KIAA0825: variants seen among roughly 807,000 people sequenced by gnomAD.
KIAA0825 encodes the protein uncharacterized protein KIAA0825.
Under a neutral mutation model 147.6 loss-of-function variants are expected in KIAA0825, and 119 were observed. The ratio of observed to expected loss-of-function variants is 0.81; its 90% CI spans 0.69 to 0.94. The LOEUF is 0.94. Among genes scored for constraint, KIAA0825 ranks in the 40% least tolerant of loss-of-function variants. The probability of loss-of-function intolerance (pLI) is 0.00; values close to 1 mark genes in which losing one functional copy is unlikely to be tolerated. For missense variants in KIAA0825, 1,381 were observed against 1,472.7 expected, an observed-to-expected ratio of 0.94 and a Z score of 1.02; for synonymous variants, 470 against 518.1, an observed-to-expected ratio of 0.91 and a Z score of 1.26.
chr5:94,378,024 CTA>C (rs1747833583), intron 20 of KIAA0825, among the ~76,000 whole-genome samples: 2 of 152,118 alleles, frequency 1.3e-5, no homozygotes, highest in Non-Finnish European at 2.9e-5. Flanking sequence ...GATCAATTAA[CTA>C]AAAATAAAGA....
intron 12 of KIAA0825, among the ~76,000 whole-genome samples, chr5:94,454,920 T>G: frequency 6.6e-6 from 1 of 152,126 alleles, no homozygotes; most frequent in East Asian, 1.9e-4. Flanking sequence ...CATCTCCTAA[T>G]GACATGGAGT....
intron 20 of KIAA0825, among the ~76,000 whole-genome samples, chr5:94,240,241 C>T (rs931591607): frequency 4.4e-4 from 67 of 152,310 alleles, no homozygotes; most frequent in African/African-American, 1.6e-3. Context: ...CTTGGAAAGC[C>T]AGCAAATAAT....
chr5:94,404,914 G>A (rs1751850286), intron 15 of KIAA0825, among the ~76,000 whole-genome samples: 10 of 152,066 alleles, frequency 6.6e-5, no homozygotes, highest in Admixed American at 6.6e-4. Context: ...GACAAGGGCT[G>A]GACAAGATGA....
intron 20 of KIAA0825, among the ~76,000 whole-genome samples, chr5:94,370,836 G>A (rs1177437020): frequency 6.6e-6 from 1 of 152,092 alleles, no homozygotes. Flanking sequence ...ATGAAACCGG[G>A]AGACAGAGCT....
At chr5:94,308,600 A>G (rs917203570) in intron 20 of KIAA0825, among the ~76,000 whole-genome samples, 2 of 151,854 alleles carry the variant, frequency 1.3e-5, no homozygotes, top group Admixed American at 6.6e-5. Flanking sequence ...TGCTGAATAC[A>G]AAGATTACTC....
At position 94,370,796 on chromosome 5, in the gene KIAA0825, C is replaced by T. The variant is rs532745815; in HGVS notation, c.3710+13572G>A. On this transcript the variant is annotated intron_variant, in intron 20 of 20. Coordinates refer to ENST00000682413, the MANE Select transcript of KIAA0825 (RefSeq NM_001145678.3). ...TGGTGGTGGGAGCCTGTAGTCCCAG[C>T]TACTCGGGAGCCTGAGGCAGGAGAA... is the stretch of plus-strand genomic sequence containing the variant. 3.3e-5 allele frequency among the ~76,000 whole-genome samples: 5 copies of T among 152,020 alleles called. No individual in the cohort carries two copies. The East Asian group carries it at 9.7e-4, about 29-fold the overall frequency.
At chr5:94,159,437 T>C (rs1767340467) in intron 20 of KIAA0825, among the ~76,000 whole-genome samples, 1 of 152,180 alleles carries the variant, frequency 6.6e-6, no homozygotes, top group South Asian at 2.1e-4. Flanking sequence ...TCTTATTTTG[T>C]AAGATTCTAC....
chr5:94,272,887 T>C (rs975924026), intron 20 of KIAA0825, among the ~76,000 whole-genome samples: 3 of 152,182 alleles, frequency 2.0e-5, no homozygotes, highest in African/African-American at 4.8e-5. Context: ...ACATAATTCA[T>C]AGGAAAAGGC....
intron 2 of KIAA0825, among the ~76,000 whole-genome samples, chr5:94,560,097 T>A (rs915410514): frequency 6.6e-6 from 1 of 152,192 alleles, no homozygotes; most frequent in Non-Finnish European, 1.5e-5. Context: ...AAGACCACCT[T>A]GGCTAGTCAA....
intron 20 of KIAA0825, among the ~76,000 whole-genome samples, chr5:94,293,936 C>T (rs1353182892): frequency 6.6e-6 from 1 of 151,748 alleles, no homozygotes; most frequent in African/African-American, 2.4e-5. Context: ...GATTGTAACC[C>T]CTGTTTTTTG....
At chr5:94,534,769 T>A (rs911424444) in intron 3 of KIAA0825, among the ~76,000 whole-genome samples, 2 of 152,132 alleles carry the variant, frequency 1.3e-5, no homozygotes, top group Non-Finnish European at 2.9e-5. Context: ...AACAAAAGCA[T>A]CAGAGTTCAG....
chr5:94,297,948 G>A (rs145542632), intron 20 of KIAA0825, among the ~76,000 whole-genome samples: 1 of 149,280 alleles, frequency 6.7e-6, no homozygotes. Context: ...TATTTTTGTT[G>A]TATAGAGTGG....
chr5:94,270,821 T>C (rs1339304577), intron 20 of KIAA0825, among the ~76,000 whole-genome samples: 1 of 151,916 alleles, frequency 6.6e-6, no homozygotes, highest in African/African-American at 2.4e-5. Flanking sequence ...AAGGGGAAAA[T>C]AGAGTTTTGG....
At chr5:94,585,523 C>T (rs1272190324) in intron 1 of KIAA0825, among the ~76,000 whole-genome samples, 1 of 152,160 alleles carries the variant, frequency 6.6e-6, no homozygotes, top group East Asian at 1.9e-4. Context: ...AATACAGGGG[C>T]ACCCAGATTC....
intron 14 of KIAA0825, among the ~76,000 whole-genome samples, chr5:94,432,510 C>A (rs183409504): frequency 2.0e-4 from 30 of 152,190 alleles, no homozygotes; most frequent in African/African-American, 6.7e-4. Flanking sequence ...TAAACTAGTT[C>A]ATCAGCATTC....
chr5:94,364,516 G>A (rs1430190376), intron 20 of KIAA0825, among the ~76,000 whole-genome samples: 1 of 151,892 alleles, frequency 6.6e-6, no homozygotes, highest in African/African-American at 2.4e-5. Flanking sequence ...CGAGTAGCTG[G>A]GACTACAGGC....
intron 2 of KIAA0825, among the ~76,000 whole-genome samples, chr5:94,543,927 A>C (rs1773837511): frequency 6.6e-6 from 1 of 152,080 alleles, no homozygotes; most frequent in Non-Finnish European, 1.5e-5. Flanking sequence ...TGAATAATCC[A>C]CCCCTTGTTT....
At chr5:94,231,948 G>A (rs1377020693) in intron 20 of KIAA0825, among the ~76,000 whole-genome samples, 2 of 152,074 alleles carry the variant, frequency 1.3e-5, no homozygotes, top group African/African-American at 2.4e-5. Context: ...GAAGCCTATC[G>A]TATCTGTACT....
At chr5:94,319,630 C>CA (rs1235047264) in intron 20 of KIAA0825, among the ~76,000 whole-genome samples, 2 of 151,916 alleles carry the variant, frequency 1.3e-5, no homozygotes, top group Admixed American at 1.3e-4. Flanking sequence ...ATCTCACAAT[C>CA]TATCAGCAAT....
Sources: gnomAD v4.1 joint callset for allele counts (sites outside exome capture counted in the v4.1 genomes callset) on GRCh38, gnomAD v4.1.1 for gene constraint, MANE v1.5 for transcripts, NCBI Gene and HGNC (gene_info 2026-07-23, HGNC 2026-07-21) for gene names.